The following SAXO4 variants were observed in gnomAD, a reference collection of about 807,000 sequenced individuals.
SAXO4 encodes stabilizer of axonemal microtubules 4.
At chr11:61,486,333 C>T in the SAXO4 span, 1 of 1,613,212 alleles carries the variant, frequency 6.2e-7, no homozygotes, top group Non-Finnish European at 8.5e-7. Flanking sequence ...CCTCTGTGGG[C>T]CTATTTCCAG....
At chr11:61,489,756 A>G in the SAXO4 span, 1 of 1,613,304 alleles carries the variant, frequency 6.2e-7, no homozygotes, top group Non-Finnish European at 8.5e-7. Flanking sequence ...TCCAGCTTCC[A>G]GCCAAGGACC....
At chr11:61,488,723 TC>T in the SAXO4 span, 1 of 153,586 alleles carries the variant, frequency 6.5e-6, no homozygotes, top group Non-Finnish European at 1.5e-5. Context: ...CCGGGATACC[TC>T]CCAGAATCCA....
the SAXO4 span, chr11:61,485,924 G>A: frequency 1.9e-6 from 3 of 1,591,696 alleles, no homozygotes; most frequent in Middle Eastern, 1.7e-4. Context: ...AAGTCGGCTG[G>A]GCTCCTGCTA....
chr11:61,484,331 G>A, the SAXO4 span, among the ~76,000 whole-genome samples: 1 of 152,188 alleles, frequency 6.6e-6, no homozygotes, highest in African/African-American at 2.4e-5. Context: ...TGGAGACACT[G>A]GACAAAAACT....
At chr11:61,490,708 G>C in the SAXO4 span, 1 of 824,512 alleles carries the variant, frequency 1.2e-6, no homozygotes, top group Admixed American at 2.0e-5. Flanking sequence ...TCCAAGTGGG[G>C]GGTGACAGAT....
the SAXO4 span, among the ~76,000 whole-genome samples, chr11:61,484,248 A>G: frequency 2.4e-4 from 37 of 152,218 alleles, no homozygotes; most frequent in Non-Finnish European, 4.3e-4. Flanking sequence ...GTCTCAAAAA[A>G]TGTAAGTAAT....
the SAXO4 span, chr11:61,484,890 A>G: frequency 1.6e-5 from 24 of 1,497,770 alleles, no homozygotes; most frequent in Non-Finnish European, 2.1e-5. Flanking sequence ...CCACCTCAAG[A>G]CAAGTATTGC....
chr11:61,482,633 T>A, the SAXO4 span: 1 of 1,613,728 alleles, frequency 6.2e-7, no homozygotes, highest in Non-Finnish European at 8.5e-7. Context: ...GGCCTGGGGT[T>A]CTAGCTCCTC....
chr11:61,485,275 C>T, the SAXO4 span: 25 of 1,475,360 alleles, frequency 1.7e-5, no homozygotes, highest in Non-Finnish European at 2.2e-5. Context: ...ACTCCACCGC[C>T]GCCACACGCC....
At chr11:61,490,016 C>G in the SAXO4 span, 1 of 1,442,648 alleles carries the variant, frequency 6.9e-7, no homozygotes, top group Non-Finnish European at 9.4e-7. Flanking sequence ...CCTTTCCCTT[C>G]CTCTCCTCTC....
the SAXO4 span, chr11:61,489,462 G>A: frequency 1.4e-5 from 8 of 559,414 alleles, no homozygotes; most frequent in Non-Finnish European, 2.5e-5. Flanking sequence ...AAATGGAAAT[G>A]AAATGGAAGG....
At chr11:61,482,879 G>T in the SAXO4 span, 1 of 1,455,604 alleles carries the variant, frequency 6.9e-7, no homozygotes, top group Admixed American at 2.6e-5. Flanking sequence ...ACTGCCAACA[G>T]TTGGTCAAGG....
the SAXO4 span, among the ~76,000 whole-genome samples, chr11:61,483,858 T>C: frequency 1.3e-5 from 2 of 151,962 alleles, no homozygotes; most frequent in African/African-American, 4.8e-5. Flanking sequence ...CTCAGAAGGC[T>C]GAGGCAGGAG....
chr11:61,482,686 G>A, the SAXO4 span: 33 of 1,613,942 alleles, frequency 2.0e-5, no homozygotes, highest in South Asian at 3.4e-4. Context: ...CCAGTCTGTG[G>A]CCAGCCAGAG....
chr11:61,482,475 C>A, the SAXO4 span: 1 of 1,583,548 alleles, frequency 6.3e-7, no homozygotes, highest in Non-Finnish European at 8.7e-7. Flanking sequence ...GCTCATCAGA[C>A]CAACTCCAGG....
chr11:61,484,084 CA>C, the SAXO4 span, among the ~76,000 whole-genome samples: 55 of 147,392 alleles, frequency 3.7e-4, no homozygotes, highest in African/African-American at 9.9e-4. Flanking sequence ...CAAAAAAATA[CA>C]AAAAAAAAAT....
the SAXO4 span, among the ~76,000 whole-genome samples, chr11:61,484,507 C>T: frequency 2.6e-5 from 4 of 151,946 alleles, no homozygotes; most frequent in Non-Finnish European, 5.9e-5. Flanking sequence ...CGTGGAATTC[C>T]CTGCGAGTGT....
the SAXO4 span, chr11:61,486,258 A>G: frequency 7.2e-7 from 1 of 1,393,856 alleles, no homozygotes; most frequent in Admixed American, 1.7e-5. Context: ...TCAGCACAGC[A>G]GTGGCCTGGA....
the SAXO4 span, among the ~76,000 whole-genome samples, chr11:61,487,794 T>C: frequency 1.7e-4 from 26 of 152,238 alleles, 1 homozygote; most frequent in African/African-American, 6.3e-4. Context: ...AGCCAATGGT[T>C]GGTGGGCTCG....
Sources: gnomAD v4.1 joint callset for allele counts (sites outside exome capture counted in the v4.1 genomes callset) on GRCh38, gnomAD v4.1.1 for gene constraint, MANE v1.5 for transcripts, NCBI Gene and HGNC (gene_info 2026-07-23, HGNC 2026-07-21) for gene names.